The following ABR variants were observed in gnomAD, a reference collection of about 807,000 sequenced individuals.
The protein encoded by ABR is ABR activator of RhoGEF and GTPase, also known as active breakpoint cluster region-related protein.
In ABR, 35 loss-of-function variants were observed where a neutral mutation model predicts 107.2. The ratio of observed to expected loss-of-function variants is 0.33; its 90% confidence interval spans 0.25 to 0.43. The LOEUF is 0.43. ABR is among the 20% of genes least tolerant of loss of function. The pLI is 1.00. For synonymous variants in ABR, 498 were observed against 462.0 expected (o/e 1.08, Z -1.00); for missense variants, 815 against 1,115.2 (o/e 0.73, Z 3.83).
chr17:1,146,829 G>A (rs566657734), intron 1 of ABR, among the ~76,000 whole-genome samples: 3 of 130,202 alleles, frequency 2.3e-5, no homozygotes, highest in Admixed American at 1.5e-4. Context: ...ACTGCCACAC[G>A]ACACCACTGC....
At chr17:1,122,781 A>G (rs2258647) in intron 2 of ABR, among the ~76,000 whole-genome samples, 92,619 of 152,116 alleles carry the variant, frequency 0.61, 28,305 homozygotes, top group East Asian at 0.68. Context: ...TAACGCACAC[A>G]CCCTGTTGGT....
chr17:1,023,014 G>C (rs1287161536), intron 16 of ABR, among the ~76,000 whole-genome samples: 5 of 145,986 alleles, frequency 3.4e-5, no homozygotes, highest in Admixed American at 6.7e-5. Context: ...CAGAGCCTCT[G>C]CCGGCCCCAC....
chr17:1,085,720 G>A (rs1328462078), intron 4 of ABR, among the ~76,000 whole-genome samples: 2 of 152,182 alleles, frequency 1.3e-5, no homozygotes, highest in Non-Finnish European at 2.9e-5. Context: ...GCCTTAGTAT[G>A]TAAAAGAGAA....
intron 1 of ABR, among the ~76,000 whole-genome samples, chr17:1,203,281 C>T (rs1392084263): frequency 2.1e-5 from 3 of 139,780 alleles, no homozygotes; most frequent in Non-Finnish European, 4.7e-5. Flanking sequence ...GGCTCCCGCG[C>T]AGTCCTCAGG....
chr17:1,188,151 G>T (rs2042351853), upstream of ABR, among the ~76,000 whole-genome samples: 1 of 151,928 alleles, frequency 6.6e-6, no homozygotes, highest in South Asian at 2.1e-4. Context: ...AGGCTGCAGT[G>T]AACTGAGATC....
intron 1 of ABR, among the ~76,000 whole-genome samples, chr17:1,177,008 G>A (rs551738542): frequency 6.6e-6 from 1 of 152,184 alleles, no homozygotes; most frequent in East Asian, 1.9e-4. Context: ...CTCTAACACC[G>A]AGTCATTCCC....
At chr17:1,133,930 C>T (rs1241075009) in intron 1 of ABR, among the ~76,000 whole-genome samples, 1 of 152,192 alleles carries the variant, frequency 6.6e-6, no homozygotes, top group African/African-American at 2.4e-5. Context: ...TTGCCTTGAA[C>T]TCATGGGTGA....
chr17:1,065,730 T>C (rs2034652142), intron 10 of ABR, among the ~76,000 whole-genome samples: 1 of 144,820 alleles, frequency 6.9e-6, no homozygotes, highest in Admixed American at 7.3e-5. Flanking sequence ...GTTTGAACTT[T>C]CCAAACCAAT....
chr17:1,075,445 C>T (rs905094247), intron 6 of ABR, among the ~76,000 whole-genome samples: 1 of 152,254 alleles, frequency 6.6e-6, no homozygotes, highest in African/African-American at 2.4e-5. Flanking sequence ...ATATAAATAC[C>T]CCGTGCGCGG....
chr17:1,048,101 G>A (rs2031907901), intron 16 of ABR, among the ~76,000 whole-genome samples: 1 of 152,110 alleles, frequency 6.6e-6, no homozygotes, highest in African/African-American at 2.4e-5. Context: ...CAGGGACAGG[G>A]AGATGGGGCT....
chr17:1,176,725 T>G (rs2041929846), intron 1 of ABR, among the ~76,000 whole-genome samples: 1 of 151,982 alleles, frequency 6.6e-6, no homozygotes, highest in Admixed American at 6.5e-5. Context: ...CAGGCGCCCA[T>G]AATCCCAGCT....
intron 4 of ABR, 25 bp from the exon 5 acceptor site, chr17:1,083,652 A>C: frequency 8.4e-7 from 1 of 1,184,700 alleles, no homozygotes; most frequent in Non-Finnish European, 1.2e-6. Flanking sequence ...CAGGGAACAG[A>C]GGGAGAGGAG....
At chr17:1,068,713 C>T (rs982818709) in intron 9 of ABR, among the ~76,000 whole-genome samples, 4 of 152,214 alleles carry the variant, frequency 2.6e-5, no homozygotes, top group African/African-American at 4.8e-5. Context: ...CTTGGGGTTC[C>T]AGTCCCACCC....
intron 16 of ABR, among the ~76,000 whole-genome samples, chr17:1,046,417 C>T (rs918735905): frequency 1.1e-4 from 17 of 151,980 alleles, no homozygotes; most frequent in South Asian, 4.1e-4. Context: ...ATTATGGGCG[C>T]GTGCCACCAC....
At chr17:1,178,359 T>C (rs1319042532) in intron 1 of ABR, among the ~76,000 whole-genome samples, 1 of 151,380 alleles carries the variant, frequency 6.6e-6, no homozygotes, top group Non-Finnish European at 1.5e-5. Context: ...AGGTCAGGAG[T>C]TTGAGACCAG....
Position 1,170,214 on chromosome 17 carries a change from G to T in ABR, c.61+9453C>A, listed in dbSNP as rs2041657234. 2.6e-5 allele frequency among the ~76,000 whole-genome samples: 4 copies of T among 152,120 alleles called. No homozygotes were observed. The South Asian group carries it at 8.3e-4, about 32-fold the overall frequency. ...AGGGCTGTCTCCTCATATCACGGGG[G>T]CTTGGGGGCAAGACGCAGTCTTCAC... On this transcript the variant is annotated intron_variant, in intron 1 of 22. Coordinates refer to ENST00000302538, the MANE Select transcript of ABR (RefSeq NM_021962.5).
At chr17:1,017,506 G>A (rs1449753679) in intron 16 of ABR, among the ~76,000 whole-genome samples, 4 of 102,936 alleles carry the variant, frequency 3.9e-5, no homozygotes, top group Non-Finnish European at 7.4e-5. Context: ...TTTCACTCTT[G>A]TTGCCCAGGC....
chr17:1,057,929 C>T (rs2033521494), intron 12 of ABR, 41 bp downstream of exon 12: 1 of 1,572,456 alleles, frequency 6.4e-7, no homozygotes, highest in Non-Finnish European at 8.8e-7. Context: ...CCATCAATGC[C>T]ACGGACATCA....
chr17:1,078,104 G>GGTGTGTGTGTGTGTGT lies in ABR; in HGVS notation c.700+1210_700+1225dup, dbSNP rs34146750. On this transcript the variant is annotated intron_variant, in intron 6 of 22. Coordinates refer to ENST00000302538, the MANE Select transcript of ABR (RefSeq NM_021962.5). This position sits in a 1 kb window ranked among gnomAD's most constrained non-coding sequence, Gnocchi z 7.5. The stretch of plus-strand genomic sequence containing the variant: ...GTCCGGGTCCCTTCCACCGAAAGGT[G>GGTGTGTGTGTGTGTGT]GTGTGTGTGTGTGTGTGTGTGTGTG... Among the ~76,000 whole-genome samples, 3 of 148,478 alleles carry GGTGTGTGTGTGTGTGT rather than the reference G, an allele frequency of 2.0e-5. No individual in the cohort carries two copies. In the East Asian group the frequency reaches 6.1e-4, roughly 30 times the overall value.
Sources: allele counts gnomAD v4.1 joint callset (sites outside exome capture counted in the v4.1 genomes callset), GRCh38; gene constraint gnomAD v4.1.1; non-coding constraint Gnocchi (gnomAD v3.1); transcripts MANE v1.5; gene names NCBI Gene and HGNC (gene_info 2026-07-23, HGNC 2026-07-21).